The following ZNF567 variants were observed in gnomAD, a reference collection of about 807,000 sequenced individuals.
The protein encoded by ZNF567 is zinc finger protein 567.
Under a neutral mutation model 53.9 loss-of-function variants are expected in ZNF567, and 36 were observed. That is an observed-to-expected ratio of 0.67 (90% CI 0.51 to 0.88). The LOEUF (loss-of-function observed/expected upper bound fraction) is 0.88. ZNF567 is among the 40% of genes least tolerant of loss of function. ZNF567 has a pLI of 0.00. For synonymous variants in ZNF567, 224 were observed against 260.4 expected (o/e 0.86, Z 1.35); for missense variants, 619 against 764.7 (o/e 0.81, Z 2.25).
At chr19:36,687,445 A>G (rs7259256), upstream of ZNF567, 93,790 of 152,252 alleles carry the variant, frequency 0.62, 29,065 homozygotes, top group East Asian at 0.8. Flanking sequence ...GAGAATTTGG[A>G]AGGGGAACCA....
chr19:36,724,545 G>A (rs1035056349), downstream of ZNF567, among the ~76,000 whole-genome samples: 1 of 151,878 alleles, frequency 6.6e-6, no homozygotes, highest in Non-Finnish European at 1.5e-5. Flanking sequence ...TAGCAGGCAT[G>A]GTGGCGTGTG....
At chr19:36,695,240 A>C (rs2038821798) in intron 3 of ZNF567, among the ~76,000 whole-genome samples, 1 of 151,636 alleles carries the variant, frequency 6.6e-6, no homozygotes, top group Admixed American at 6.6e-5. Flanking sequence ...TAAAAAAAAA[A>C]AAAATAGGCC....
chr19:36,685,477 T>C (rs2038247590), upstream of ZNF567: 1 of 151,830 alleles, frequency 6.6e-6, no homozygotes, highest in African/African-American at 2.4e-5. Context: ...CATAAGGTCC[T>C]GGAGGGGAAT....
chr19:36,704,093 G>A (rs1023884249), intron 3 of ZNF567, among the ~76,000 whole-genome samples: 7 of 152,156 alleles, frequency 4.6e-5, no homozygotes, highest in African/African-American at 9.7e-5. Flanking sequence ...AATGATTGAA[G>A]ACATTCCAGT....
In ZNF567 at chr19:36,720,260, ATCAT is replaced by A; in HGVS notation, c.1540_1543del (p.Phe514ValfsTer135). On this transcript the variant is annotated frameshift_variant, in exon 6 of 6. Coordinates refer to ENST00000682579, the MANE Select transcript of ZNF567 (RefSeq NM_001322917.1). LOFTEE classifies it high-confidence loss of function. Reference sequence around the variant, plus strand: ...CATATGAATGTAATGAATGTGGTAAATCATTCAGTCAAAAGACAAATCTCAATCT... The same window carrying A: ...CATATGAATGTAATGAATGTGGTAAATCAGTCAAAAGACAAATCTCAATCT... The A allele has an allele frequency of 4.3e-6, 7 of 1,613,752 alleles. No individual in the cohort carries two copies. Among genetic ancestry groups the A allele is most frequent in the Non-Finnish European group, 5.9e-6 (7 of 1,179,866 alleles).
downstream of ZNF567, among the ~76,000 whole-genome samples, chr19:36,721,748 T>TTC (rs1366343771): frequency 1.5e-4 from 22 of 142,700 alleles, no homozygotes; most frequent in East Asian, 1.4e-3. Flanking sequence ...TTTTTTCTTT[T>TTC]TTTTTTTTTT....
chr19:36,685,266 C>T (rs548719532), upstream of ZNF567, among the ~76,000 whole-genome samples: 11 of 152,156 alleles, frequency 7.2e-5, no homozygotes, highest in African/African-American at 2.6e-4. Context: ...CCAGCCTGGG[C>T]GACAGAGCAA....
intron 1 of ZNF567, among the ~76,000 whole-genome samples, chr19:36,688,847 G>A (rs1388184619): frequency 6.7e-6 from 1 of 150,200 alleles, no homozygotes; most frequent in African/African-American, 2.5e-5. Context: ...GGTGGCTCAC[G>A]CCTGCAATCC....
At chr19:36,668,013 A>G in the ZNF567 span, 1 of 152,072 alleles carries the variant, frequency 6.6e-6, no homozygotes, top group Non-Finnish European at 1.5e-5. Flanking sequence ...ATCCTAGCTC[A>G]CTGCAGTCTC....
chr19:36,710,509 G>A lies in ZNF567; in HGVS notation c.10-1877G>A, dbSNP rs189910941. On this transcript the variant is annotated intron_variant, in intron 3 of 5. Coordinates refer to ENST00000682579, the MANE Select transcript of ZNF567 (RefSeq NM_001322917.1). The stretch of plus-strand genomic sequence containing the variant: ...CTTCTGAGAATTATTATTATTTTTA[G>A]TAGGCAATTAGCTTGCTTGTAATCA... Among the ~76,000 whole-genome samples the A allele has an allele frequency of 1.8e-3, 280 of 152,134 alleles. 1 individual carries two copies. The highest frequency in any genetic ancestry group is 3.2e-3 in the Non-Finnish European group (220 of 68,018).
Position 36,712,509 on chromosome 19 carries a change from G to A in ZNF567, c.133G>A (p.Val45Met). ...MLENYCHLIS[V>M]GCHMTKPDVI... ...GGAAAACTATTGCCACCTCATCTCT[G>A]TGGGTAAGAAAAATCCTCTTTGAAA... The change falls in exon 4 of 6, where the codon GTG becomes ATG. Residue 45 changes from valine to methionine, a missense_variant. Val to Met is a conservative substitution (Grantham distance 21, BLOSUM62 1). Coordinates refer to ENST00000682579, the MANE Select transcript of ZNF567 (RefSeq NM_001322917.1). 6.2e-7 allele frequency: 1 copy of A among 1,614,088 alleles called. No individual in the cohort carries two copies. Among genetic ancestry groups the A allele is most frequent in the Non-Finnish European group, 8.5e-7 (1 of 1,179,992 alleles).
the ZNF567 span, among the ~76,000 whole-genome samples, chr19:36,679,760 GTGGAATCTAAAAAGT>G: frequency 5.1e-4 from 77 of 152,200 alleles, no homozygotes; most frequent in Non-Finnish European, 8.8e-4. Context: ...TCACTTACAT[GTGGAATCTAAAAAGT>G]TGAACTCTTA....
the ZNF567 span, among the ~76,000 whole-genome samples, chr19:36,667,375 G>A: frequency 6.6e-6 from 1 of 151,794 alleles, no homozygotes; most frequent in Non-Finnish European, 1.5e-5. Flanking sequence ...GATGGCGCAT[G>A]CCTGTAATCC....
At chr19:36,724,552 TG>T (rs1481275964), downstream of ZNF567, among the ~76,000 whole-genome samples, 2 of 151,610 alleles carry the variant, frequency 1.3e-5, no homozygotes, top group East Asian at 4.0e-4. Context: ...CATGGTGGCG[TG>T]TGCCTGTAAT....
chr19:36,724,638 C>T (rs1026191440), downstream of ZNF567, among the ~76,000 whole-genome samples: 4 of 148,622 alleles, frequency 2.7e-5, no homozygotes, highest in African/African-American at 5.0e-5. Flanking sequence ...GCCGAGATCA[C>T]GCCACTGCAC....
At chr19:36,697,738 C>T (rs1313245702) in intron 3 of ZNF567, among the ~76,000 whole-genome samples, 6 of 151,426 alleles carry the variant, frequency 4.0e-5, no homozygotes, top group South Asian at 2.1e-4. Flanking sequence ...CAGCCTCCCA[C>T]GTAGCTGGGA....
chr19:36,672,323 G>A, the ZNF567 span, among the ~76,000 whole-genome samples: 14 of 152,310 alleles, frequency 9.2e-5, no homozygotes, highest in East Asian at 2.7e-3. Context: ...AGGAATTCTA[G>A]GGAAGAGATA....
In ZNF567 at chr19:36,719,751, A is replaced by G; in HGVS notation, c.1027A>G (p.Arg343Gly). ...GEKSYECLQC[R>G]NAFRLKSHLI... ...GAAATCGTATGAATGTCTGCAATGT[A>G]GGAATGCCTTCAGATTGAAGTCACA... is the stretch of plus-strand genomic sequence containing the variant. The change falls in exon 6 of 6, where the codon AGG (arginine) becomes GGG (glycine). Residue 343 changes from arginine to glycine, a missense_variant. Coordinates refer to ENST00000682579, the MANE Select transcript of ZNF567 (RefSeq NM_001322917.1). 1.2e-6 allele frequency: 2 copies of G among 1,613,984 alleles called. No individual in the cohort carries two copies. The highest frequency in any genetic ancestry group is 1.1e-5 in the South Asian group (1 of 91,056).
intron 3 of ZNF567, among the ~76,000 whole-genome samples, chr19:36,706,668 G>T (rs1409636862): frequency 4.4e-4 from 47 of 106,318 alleles, no homozygotes; most frequent in Admixed American, 3.3e-3. Context: ...TTTTACTGTT[G>T]GTTTTTTTTT....
Sources: gnomAD v4.1 joint callset for allele counts (sites outside exome capture counted in the v4.1 genomes callset) on GRCh38, gnomAD v4.1.1 for gene constraint, MANE v1.5 for transcripts, NCBI Gene and HGNC (gene_info 2026-07-23, HGNC 2026-07-21) for gene names.